TMEM248: variants seen among roughly 807,000 people sequenced by gnomAD.
TMEM248 encodes UPF0458 protein C7orf42.
In TMEM248, 9 loss-of-function variants were observed where a neutral mutation model predicts 30.3. That is an observed-to-expected ratio of 0.30 (90% CI 0.18 to 0.52). The LOEUF (loss-of-function observed/expected upper bound fraction) is 0.52. Ranked by LOEUF, TMEM248 falls within the 20% of genes least tolerant of loss-of-function variation. The probability of loss-of-function intolerance (pLI) is 0.97; values close to 1 mark genes in which losing one functional copy is unlikely to be tolerated. For missense variants in TMEM248, 338 were observed against 403.3 expected, an observed-to-expected ratio of 0.84 and a Z score of 1.39; for synonymous variants, 184 against 154.4, an observed-to-expected ratio of 1.19 and a Z score of -1.42.
At chr7:66,948,822 C>A (rs1057288801) in intron 4 of TMEM248, 128 bp downstream of exon 4, 4 of 993,806 alleles carry the variant, frequency 4.0e-6, no homozygotes, top group Non-Finnish European at 5.8e-6. Context: ...TATCTCTACT[C>A]GGACCTATCT....
In TMEM248 at chr7:66,951,246, C is replaced by G; in HGVS notation, c.780+111C>G. 6 of 1,012,760 alleles carry G rather than the reference C, an allele frequency of 5.9e-6. 1 individual carries two copies. In the South Asian group the frequency reaches 1.7e-4, roughly 28 times the overall value. 62.7% of individuals were successfully genotyped at this position (1,012,760 alleles called of 1,614,324 possible). On this transcript the variant is annotated intron_variant, in intron 5 of 6. Coordinates refer to ENST00000341567, the MANE Select transcript of TMEM248 (RefSeq NM_017994.5). The stretch of plus-strand genomic sequence containing the variant: ...TGCTGACTTCCCTGGGTAAGCGTAT[C>G]CTCTGCCACTTTAGATTTCCAGGTG...
At chr7:66,953,720 T>A (rs917545779) in intron 6 of TMEM248, among the ~76,000 whole-genome samples, 2 of 151,864 alleles carry the variant, frequency 1.3e-5, no homozygotes, top group Non-Finnish European at 2.9e-5. Context: ...TTCTCCCACC[T>A]CAGCCTCCCG....
In TMEM248 at chr7:66,951,150, TTG is replaced by T. The variant is rs148803801; in HGVS notation, c.780+30_780+31del. On this transcript the variant is annotated intron_variant, in intron 5 of 6. Coordinates refer to ENST00000341567, the MANE Select transcript of TMEM248 (RefSeq NM_017994.5). ...TTGTTCCAGATGTAAGTGAGAAAAA[TTG>T]TGTGTGTGTGTGTGCGTGCATGCAT... 9,866 of 1,455,474 alleles carry T rather than the reference TTG, an allele frequency of 6.8e-3. No individual in the cohort carries two copies. The highest frequency in any genetic ancestry group is 0.018 in the Admixed American group (876 of 47,470). 90.2% of individuals were successfully genotyped at this position (1,455,474 alleles called of 1,614,324 possible).
At chr7:66,944,668 T>A (rs1792045666) in intron 2 of TMEM248, among the ~76,000 whole-genome samples, 2 of 152,244 alleles carry the variant, frequency 1.3e-5, no homozygotes, top group Non-Finnish European at 2.9e-5. Flanking sequence ...TCATTTTCTC[T>A]AAGTGTAATA....
intron 1 of TMEM248, among the ~76,000 whole-genome samples, chr7:66,938,132 T>G (rs1791853571): frequency 6.6e-6 from 1 of 152,182 alleles, no homozygotes; most frequent in South Asian, 2.1e-4. Context: ...CTGTGTCTTT[T>G]GATTGGAGAG....
At chr7:66,943,241 C>T (rs1327594955) in intron 2 of TMEM248, among the ~76,000 whole-genome samples, 1 of 152,178 alleles carries the variant, frequency 6.6e-6, no homozygotes, top group Admixed American at 6.6e-5. Flanking sequence ...ACTAAAGCTG[C>T]ACAGCCTCCT....
chr7:66,922,297 A>G (rs1791406548), intron 1 of TMEM248: 1 of 152,176 alleles, frequency 6.6e-6, no homozygotes, highest in South Asian at 2.1e-4. Context: ...ACTGCTGATG[A>G]ATATGTGATA....
chr7:66,950,518 C>T (rs1464832887), intron 4 of TMEM248, among the ~76,000 whole-genome samples: 3 of 152,302 alleles, frequency 2.0e-5, no homozygotes, highest in South Asian at 2.1e-4. Flanking sequence ...CCTGACCATG[C>T]TGAACTGTGA....
Position 66,948,670 on chromosome 7 carries a change from G to A in TMEM248, c.572G>A (p.Ser191Asn), listed in dbSNP as rs1262792112. 5.0e-6 allele frequency: 8 copies of A among 1,612,236 alleles called. No homozygotes were observed. Among genetic ancestry groups the A allele is most frequent in the Non-Finnish European group, 5.9e-6 (7 of 1,178,490 alleles). ...VFTACMTLTASPGVFPVTVQP... is the reference protein window; with the variant it reads ...VFTACMTLTANPGVFPVTVQP... ...ACAGCCTGCATGACCCTCACGGCCA[G>A]CCCTGGGGTGTTCCCCGTCACTGTG... Residue 191 changes from serine (S) to asparagine (N), a missense_variant, in exon 4 of 7, where the codon AGC (serine) becomes AAC (asparagine). Transcript: ENST00000341567.
Position 66,948,549 on chromosome 7 carries a change from G to A in TMEM248, c.451G>A (p.Glu151Lys), listed in dbSNP as rs1225551742. ...AAATGATTTCTCTTTCATAGGCAGG[G>A]AAGCCCACGAGGAGATAAACATCAC... ...LGHQIGLSGR[E>K]AHEEINITFT... Residue 151 changes from glutamate (E) to lysine (K), a missense_variant, in exon 4 of 7, where the codon GAA (glutamate) becomes AAA (lysine). Transcript: ENST00000341567. 3 of 1,613,202 alleles carry A rather than the reference G, an allele frequency of 1.9e-6. No individual in the cohort carries two copies. The highest frequency in any genetic ancestry group is 2.5e-6 in the Non-Finnish European group (3 of 1,179,668).
At chr7:66,922,614 G>C (rs1202090219) in intron 1 of TMEM248, among the ~76,000 whole-genome samples, 1 of 152,144 alleles carries the variant, frequency 6.6e-6, no homozygotes, top group African/African-American at 2.4e-5. Context: ...TAGCACCGGA[G>C]TCTCAATGCT....
intron 2 of TMEM248, among the ~76,000 whole-genome samples, chr7:66,944,345 T>C (rs1414050810): frequency 2.6e-5 from 4 of 152,010 alleles, no homozygotes; most frequent in African/African-American, 4.8e-5. Flanking sequence ...CCTCAAATGA[T>C]CCACCCACCT....
intron 1 of TMEM248, among the ~76,000 whole-genome samples, chr7:66,933,438 C>T (rs1368289573): frequency 6.6e-6 from 1 of 152,176 alleles, no homozygotes; most frequent in Non-Finnish European, 1.5e-5. Context: ...CAATTGCAAA[C>T]ACTCCAAAAA....
chr7:66,928,403 G>C (rs2129220745), intron 1 of TMEM248, among the ~76,000 whole-genome samples: 1 of 152,020 alleles, frequency 6.6e-6, no homozygotes, highest in Non-Finnish European at 1.5e-5. Context: ...TGATAGCATG[G>C]CTTTTGGGGT....
chr7:66,954,022 C>T (rs1792340159), intron 6 of TMEM248, among the ~76,000 whole-genome samples: 1 of 147,042 alleles, frequency 6.8e-6, no homozygotes, highest in African/African-American at 2.5e-5. Flanking sequence ...TGGCTCACTG[C>T]AACCTCTGCC....
At chr7:66,943,145 C>G (rs1476994134) in intron 2 of TMEM248, among the ~76,000 whole-genome samples, 1 of 152,120 alleles carries the variant, frequency 6.6e-6, no homozygotes, top group East Asian at 1.9e-4. Context: ...TTAATTCTCT[C>G]TCTTTTCTGA....
intron 5 of TMEM248, 96 bp from the exon 6 acceptor site, chr7:66,953,130 C>G: frequency 7.2e-7 from 1 of 1,394,734 alleles, no homozygotes; most frequent in Non-Finnish European, 9.8e-7. Context: ...TGTGGCAAGT[C>G]TGGAGGCTGT....
chr7:66,954,243 T>C (rs1792347012), intron 6 of TMEM248, among the ~76,000 whole-genome samples: 1 of 152,162 alleles, frequency 6.6e-6, no homozygotes, highest in African/African-American at 2.4e-5. Context: ...TGGGCCCAGC[T>C]TCTAGGTTAC....
intron 3 of TMEM248, among the ~76,000 whole-genome samples, chr7:66,947,938 G>C (rs1344358733): frequency 1.3e-5 from 2 of 151,922 alleles, no homozygotes; most frequent in African/African-American, 4.8e-5. Flanking sequence ...TTTTTGTAGA[G>C]ACAGAATCTT....
Sources: gnomAD v4.1 joint callset for allele counts (sites outside exome capture counted in the v4.1 genomes callset) on GRCh38, gnomAD v4.1.1 for gene constraint, MANE v1.5 for transcripts, NCBI Gene and HGNC (gene_info 2026-07-23, HGNC 2026-07-21) for gene names.